The following CDC42BPB variants were observed in gnomAD, a reference collection of about 807,000 sequenced individuals.
The protein encoded by CDC42BPB is CDC42 binding protein kinase beta.
In CDC42BPB, 37 loss-of-function variants were observed where a neutral mutation model predicts 214.9. That is an observed-to-expected ratio of 0.17 (90% CI 0.13 to 0.23). The LOEUF is 0.23. Ranked by LOEUF, CDC42BPB falls within the 10% of genes least tolerant of loss-of-function variation. CDC42BPB has a pLI of 1.00. For synonymous variants in CDC42BPB, 931 were observed against 884.0 expected (o/e 1.05, Z -0.94); for missense variants, 1,694 against 2,227.0 (o/e 0.76, Z 4.82).
chr14:102,938,643 G>T, intron 34 of CDC42BPB: 1 of 777,992 alleles, frequency 1.3e-6, no homozygotes, highest in Non-Finnish European at 1.6e-6. Flanking sequence ...TTGTTTGTTT[G>T]TTTGAGACTG....
chr14:102,986,215 CCA>C (rs1894241995), intron 6 of CDC42BPB: 26 of 357,294 alleles, frequency 7.3e-5, no homozygotes, highest in South Asian at 5.1e-4. Flanking sequence ...ATGCTTTTAG[CCA>C]CCTTGGGATT....
chr14:102,988,454 T>C (rs2139549606), intron 5 of CDC42BPB, among the ~76,000 whole-genome samples: 1 of 151,722 alleles, frequency 6.6e-6, no homozygotes, highest in South Asian at 2.1e-4. Flanking sequence ...GCCAAGTTGA[T>C]ATTGATGCTC....
rs1007319352 is a variant in CDC42BPB, at chr14:102,944,693, T to C, written c.3812-206A>G. The stretch of plus-strand genomic sequence containing the variant: ...CGCCCCCCGGAGAAGCTGCCCCACA[T>C]CCACAGCGCGCTCCTGGGGCAGCCT... On this transcript the variant is annotated intron_variant, in intron 29 of 36. Transcript: ENST00000361246. This position sits in a 1 kb window ranked among gnomAD's most constrained non-coding sequence, Gnocchi z 6.6. 1.0e-6 allele frequency: 1 copy of C among 984,702 alleles called. No individual in the cohort carries two copies. The allele number at this position is 984,702 out of a possible 1,614,324, so 61.0% of individuals were successfully genotyped here. A position where few individuals can be genotyped will look rare whatever the true frequency, so the allele number is the denominator to read the frequency against.
intron 36 of CDC42BPB, among the ~76,000 whole-genome samples, 198 bp downstream of exon 36, chr14:102,937,906 G>T (rs918191901): frequency 6.6e-6 from 1 of 152,174 alleles, no homozygotes. Flanking sequence ...AAGGAGCTTG[G>T]GGTCTGACCA....
intron 21 of CDC42BPB, among the ~76,000 whole-genome samples, chr14:102,956,667 A>T (rs1271047401): frequency 6.6e-6 from 1 of 151,866 alleles, no homozygotes; most frequent in African/African-American, 2.4e-5. Context: ...CCATCTCTAC[A>T]AAAATTTAAA....
Position 102,932,468 on chromosome 14 carries a change from A to ACTT in CDC42BPB, c.*1241_*1243dup, listed in dbSNP as rs1891418265. 6.6e-6 allele frequency: 1 copy of ACTT among 152,464 alleles called. No individual in the cohort carries two copies. Among genetic ancestry groups the ACTT allele is most frequent in the African/African-American group, 2.4e-5 (1 of 41,554 alleles). The allele number at this position is 152,464 out of a possible 1,614,324, so 9.4% of individuals were successfully genotyped here. A position where few individuals can be genotyped will look rare whatever the true frequency, so the allele number is the denominator to read the frequency against. On this transcript the variant is annotated 3_prime_UTR_variant, in exon 37 of 37. Coordinates refer to ENST00000361246, the MANE Select transcript of CDC42BPB (RefSeq NM_006035.4). ...TCAATAATTAATTACAAAGACTGAG[A>ACTT]CTTACATTAAAAAAGTAAAAACCAG...
intron 36 of CDC42BPB, among the ~76,000 whole-genome samples, chr14:102,934,939 G>A (rs1209158303): frequency 3.3e-5 from 5 of 151,674 alleles, no homozygotes; most frequent in Non-Finnish European, 5.9e-5. Flanking sequence ...GAACCCAGGA[G>A]GCGGAGCTTG....
intron 8 of CDC42BPB, chr14:102,978,445 G>T: frequency 1.9e-6 from 1 of 533,276 alleles, no homozygotes; most frequent in Non-Finnish European, 2.4e-6. Context: ...TGATTTCGAT[G>T]ATGACAGTGG....
At chr14:102,975,855 CT>C in intron 10 of CDC42BPB, 27 bp downstream of exon 10, 2 of 1,613,980 alleles carry the variant, frequency 1.2e-6, no homozygotes, top group Non-Finnish European at 1.7e-6. Flanking sequence ...GCGCCCCCGC[CT>C]GGCCCCGGAG....
intron 5 of CDC42BPB, among the ~76,000 whole-genome samples, chr14:102,990,587 G>C (rs894720346): frequency 6.6e-6 from 1 of 152,118 alleles, no homozygotes. Context: ...CTATACCTCT[G>C]TTACTACCTC....
chr14:102,977,615 G>C (rs1287091220), intron 9 of CDC42BPB, among the ~76,000 whole-genome samples: 1 of 152,204 alleles, frequency 6.6e-6, no homozygotes, highest in Non-Finnish European at 1.5e-5. Flanking sequence ...AAAGCCAGCA[G>C]AGTGCTCTGA....
chr14:102,988,354 A>T (rs960234921), intron 5 of CDC42BPB, among the ~76,000 whole-genome samples: 35 of 47,358 alleles, frequency 7.4e-4, no homozygotes, highest in South Asian at 1.7e-3. Flanking sequence ...TCCAGAAATT[A>T]AAAAAAAAAA....
intron 12 of CDC42BPB, 147 bp from the exon 13 acceptor site, chr14:102,972,308 A>T (rs751992124): frequency 3.8e-5 from 56 of 1,483,260 alleles, no homozygotes; most frequent in Non-Finnish European, 4.9e-5. Flanking sequence ...TGCTTGGAAA[A>T]AGACCTGTGC....
At chr14:102,938,437 C>A (rs767159322) in intron 34 of CDC42BPB, 26 bp from the exon 35 acceptor site, 1 of 1,514,916 alleles carries the variant, frequency 6.6e-7, no homozygotes, top group Non-Finnish European at 8.8e-7. Context: ...AACACGTGAG[C>A]ATGCTTGGTT....
chr14:102,994,888 C>G (rs902310123), intron 5 of CDC42BPB, among the ~76,000 whole-genome samples: 1 of 152,242 alleles, frequency 6.6e-6, no homozygotes, highest in Non-Finnish European at 1.5e-5. Context: ...ATTCCCACAG[C>G]AGGTGTGCCT....
At chr14:102,999,356 C>A (rs1894877138) in intron 5 of CDC42BPB, among the ~76,000 whole-genome samples, 1 of 152,114 alleles carries the variant, frequency 6.6e-6, no homozygotes, top group African/African-American at 2.4e-5. Context: ...TGACAGCAGA[C>A]CATGACAACT....
chr14:103,040,279 C>G (rs1228232351), intron 1 of CDC42BPB, among the ~76,000 whole-genome samples: 2 of 151,656 alleles, frequency 1.3e-5, no homozygotes, highest in Non-Finnish European at 2.9e-5. Context: ...CGCTTGGACC[C>G]GGGAGGCAGA....
At chr14:102,955,051 A>G (rs766262281) in intron 21 of CDC42BPB, among the ~76,000 whole-genome samples, 1 of 152,230 alleles carries the variant, frequency 6.6e-6, no homozygotes, top group Non-Finnish European at 1.5e-5. Context: ...CCGGTCACTG[A>G]AAGGGCAAGA....
intron 1 of CDC42BPB, among the ~76,000 whole-genome samples, chr14:103,030,217 T>A (rs554029598): frequency 5.9e-5 from 9 of 152,350 alleles, no homozygotes; most frequent in African/African-American, 2.2e-4. Context: ...CCCAGCACGG[T>A]ATCAAAGCCC....
Sources: gnomAD v4.1 joint callset for allele counts (sites outside exome capture counted in the v4.1 genomes callset) on GRCh38, gnomAD v4.1.1 for gene constraint, Gnocchi (gnomAD v3.1) non-coding constraint, MANE v1.5 for transcripts, NCBI Gene and HGNC (gene_info 2026-07-23, HGNC 2026-07-21) for gene names.